Variants in MCU observed in about 807,000 individuals in gnomAD.
MCU encodes the protein calcium uniporter protein, mitochondrial.
A neutral mutation model predicts 45.2 loss-of-function variants in MCU; 12 were observed. The observed-to-expected ratio is 0.27, with a 90% CI of 0.17 to 0.43. The LOEUF (loss-of-function observed/expected upper bound fraction) is 0.43. Ranked by LOEUF, MCU falls within the 20% of genes least tolerant of loss-of-function variation. MCU has a pLI of 1.00. For synonymous variants in MCU, 160 were observed against 165.1 expected, an observed-to-expected ratio of 0.97 and a Z score of 0.24; for missense variants, 324 against 436.7, an observed-to-expected ratio of 0.74 and a Z score of 2.30.
At chr10:72,729,715 G>A (rs984791038) in intron 1 of MCU, among the ~76,000 whole-genome samples, 1 of 152,072 alleles carries the variant, frequency 6.6e-6, no homozygotes, top group Non-Finnish European at 1.5e-5. Flanking sequence ...GACTGTAGGT[G>A]GTAATACTCA....
intron 6 of MCU, among the ~76,000 whole-genome samples, chr10:72,879,517 T>C (rs1206232288): frequency 2.6e-5 from 4 of 152,238 alleles, no homozygotes; most frequent in Non-Finnish European, 5.9e-5. Flanking sequence ...AAAATATCTT[T>C]CCAAAATAAA....
intron 1 of MCU, among the ~76,000 whole-genome samples, chr10:72,747,263 G>A (rs575497208): frequency 3.5e-4 from 53 of 152,272 alleles, no homozygotes; most frequent in Non-Finnish European, 5.9e-4. Context: ...ATGTCTATAC[G>A]AATGTTATAG....
chr10:72,841,972 T>A (rs1845054704), intron 2 of MCU, among the ~76,000 whole-genome samples: 1 of 152,226 alleles, frequency 6.6e-6, no homozygotes, highest in Non-Finnish European at 1.5e-5. Flanking sequence ...GCTTTATGAA[T>A]GAGTAATCTA....
chr10:72,693,095 G>C, intron 1 of MCU: 1 of 1,535,122 alleles, frequency 6.5e-7, no homozygotes, highest in Non-Finnish European at 8.7e-7. Flanking sequence ...CAGAGATTTG[G>C]TGGTTGTATT....
At chr10:72,785,443 C>G (rs1298905640) in intron 1 of MCU, among the ~76,000 whole-genome samples, 1 of 152,076 alleles carries the variant, frequency 6.6e-6, no homozygotes, top group Admixed American at 6.5e-5. Context: ...GAAATATATC[C>G]TAAAGTTCAA....
intron 6 of MCU, among the ~76,000 whole-genome samples, chr10:72,874,259 G>A (rs1303342049): frequency 6.6e-6 from 1 of 152,092 alleles, no homozygotes; most frequent in Non-Finnish European, 1.5e-5. Context: ...AATTTTTATT[G>A]TCAGTGCCGT....
chr10:72,852,106 G>A lies in MCU; in HGVS notation c.221-7071G>A, dbSNP rs551219160. On this transcript the variant is annotated intron_variant, in intron 2 of 7. Coordinates refer to ENST00000373053, the MANE Select transcript of MCU (RefSeq NM_138357.3). ...GTTACTCTTTTTCACATACAGAAAG[G>A]GGATAATTGGATAATTTAATCACTA... Among the ~76,000 whole-genome samples the A allele has an allele frequency of 3.9e-5, 6 of 152,216 alleles. No homozygotes were observed. In the South Asian group the frequency reaches 1.0e-3, roughly 26 times the overall value.
At chr10:72,747,191 T>C (rs1180660978) in intron 1 of MCU, among the ~76,000 whole-genome samples, 2 of 152,226 alleles carry the variant, frequency 1.3e-5, no homozygotes, top group Non-Finnish European at 2.9e-5. Flanking sequence ...TTTCCCAAGC[T>C]GGCATTATGG....
intron 6 of MCU, among the ~76,000 whole-genome samples, chr10:72,878,111 CTTTTTTTTTTTTT>C (rs10715401): frequency 2.6e-5 from 2 of 77,950 alleles, no homozygotes; most frequent in East Asian, 3.8e-4. Flanking sequence ...AATAATTTTG[CTTTTTTTTTTTTT>C]TTTTTTTTTT....
rs752824033 is a variant in MCU at position 72,871,419 on chromosome 10, T to C, written c.700T>C (p.Leu234=). Residue 234 remains leucine (L), a synonymous_variant, in exon 6 of 8, where the codon TTG becomes CTG. Coordinates refer to ENST00000373053, the MANE Select transcript of MCU (RefSeq NM_138357.3). ...ISRKAEKRTT[L]VLWGGLAYMA... ...CAGAAAAGCTGAGAAGAGGACCACT[T>C]TGGTGCTATGGGGTGGCCTTGCCTA... 9.5e-5 allele frequency: 153 copies of C among 1,613,984 alleles called. No individual in the cohort carries two copies. Among genetic ancestry groups the C allele is most frequent in the Non-Finnish European group, 1.3e-4 (148 of 1,179,992 alleles).
intron 2 of MCU, among the ~76,000 whole-genome samples, chr10:72,841,227 AAAGGC>A (rs1845042567): frequency 6.6e-6 from 1 of 152,180 alleles, no homozygotes; most frequent in African/African-American, 2.4e-5. Context: ...TGAAAATTAC[AAAGGC>A]TGTTAATATT....
At chr10:72,810,007 CATGTGTGTGTGTGTTTGT>C (rs1360994736) in intron 1 of MCU, among the ~76,000 whole-genome samples, 3 of 112,744 alleles carry the variant, frequency 2.7e-5, no homozygotes, top group African/African-American at 7.5e-5. Flanking sequence ...TCTGTGTGTG[CATGTGTGTGTGTGTTTGT>C]ATGTGTGTGC....
chr10:72,719,023 A>G (rs1842987558), intron 1 of MCU, among the ~76,000 whole-genome samples: 1 of 152,180 alleles, frequency 6.6e-6, no homozygotes, highest in Non-Finnish European at 1.5e-5. Context: ...CTGGGGTGCT[A>G]GTAATGTTCT....
chr10:72,718,555 T>C (rs899878927), intron 1 of MCU, among the ~76,000 whole-genome samples: 2 of 151,974 alleles, frequency 1.3e-5, no homozygotes, highest in East Asian at 3.9e-4. Context: ...GATTTAAAAA[T>C]ATTTATTCCT....
intron 1 of MCU, among the ~76,000 whole-genome samples, chr10:72,713,740 A>T (rs1237635969): frequency 2.0e-5 from 3 of 152,162 alleles, no homozygotes; most frequent in African/African-American, 7.2e-5. Flanking sequence ...CAAATGAACC[A>T]GAATTTTTTT....
At chr10:72,781,206 C>G (rs373306641) in intron 1 of MCU, among the ~76,000 whole-genome samples, 7 of 152,236 alleles carry the variant, frequency 4.6e-5, no homozygotes, top group African/African-American at 1.7e-4. Context: ...TTGAATTTGT[C>G]GGGCAGAGTT....
intron 1 of MCU, among the ~76,000 whole-genome samples, chr10:72,801,436 G>T (rs1048666480): frequency 1.2e-4 from 18 of 144,124 alleles, no homozygotes; most frequent in African/African-American, 3.1e-4. Context: ...TGTAGTGAAT[G>T]TAAGTGCCAG....
intron 6 of MCU, among the ~76,000 whole-genome samples, chr10:72,883,213 A>G (rs1334615478): frequency 6.6e-6 from 1 of 152,128 alleles, no homozygotes; most frequent in Non-Finnish European, 1.5e-5. Context: ...GCTGCCTAGA[A>G]CTGGGGGTTT....
chr10:72,772,788 A>G (rs936833606), intron 1 of MCU, among the ~76,000 whole-genome samples: 2 of 152,194 alleles, frequency 1.3e-5, no homozygotes, highest in Admixed American at 6.5e-5. Context: ...ATAAGAAACA[A>G]CAGGAAATCA....
Sources: allele counts gnomAD v4.1 joint callset (sites outside exome capture counted in the v4.1 genomes callset), GRCh38; gene constraint gnomAD v4.1.1; transcripts MANE v1.5; gene names NCBI Gene and HGNC (gene_info 2026-07-23, HGNC 2026-07-21).